The following SHOC2 variants were observed in gnomAD, a reference collection of about 807,000 sequenced individuals.
SHOC2 encodes the protein SHOC2 leucine rich repeat scaffold protein, also known as leucine-rich repeat protein SHOC-2.
Under a neutral mutation model 50.2 loss-of-function variants are expected in SHOC2, and 4 were observed. The observed-to-expected ratio is 0.08, with a 90% CI of 0.04 to 0.18. SHOC2 has a LOEUF of 0.18. Ranked by LOEUF, SHOC2 falls within the 10% of genes least tolerant of loss-of-function variation. The pLI, the probability that SHOC2 is intolerant of heterozygous loss-of-function variation, is 1.00. For missense variants in SHOC2, 388 were observed against 669.6 expected (o/e 0.58, Z 4.64); for synonymous variants, 218 against 244.5 (o/e 0.89, Z 1.01).
Position 110,985,779 on chromosome 10 carries a change from A to G in SHOC2, c.841+14A>G. ...CAGATACTATAGGTATGAGAGGAGA[A>G]AGGAGATATTGATAGCTGTTAATAG... On this transcript the variant is annotated intron_variant, in intron 3 of 8. Transcript: ENST00000369452. The G allele has an allele frequency of 1.9e-6, 3 of 1,610,210 alleles. No homozygotes were observed. The highest frequency in any genetic ancestry group is 2.5e-6 in the Non-Finnish European group (3 of 1,176,850).
chr10:110,962,518 G>A (rs1847591290), intron 1 of SHOC2, among the ~76,000 whole-genome samples: 1 of 151,828 alleles, frequency 6.6e-6, no homozygotes, highest in South Asian at 2.1e-4. Flanking sequence ...CTCCTGGTGT[G>A]CTAGCAAATA....
In SHOC2 at chr10:110,976,674, T is replaced by C. The variant is rs947286982; in HGVS notation, c.704-8954T>C. Among the ~76,000 whole-genome samples, 25 of 152,284 alleles carry C rather than the reference T, an allele frequency of 1.6e-4. No individual in the cohort carries two copies. In the South Asian group the frequency reaches 3.5e-3, roughly 21 times the overall value. On this transcript the variant is annotated intron_variant, in intron 2 of 8. Coordinates refer to ENST00000369452, the MANE Select transcript of SHOC2 (RefSeq NM_007373.4). ...ATGCTAGTTTGAAAGTTTCCTTTTT[T>C]CCCCCCTCAGTATTTTAGAGACACC...
rs574594380 is a variant in SHOC2 at position 110,940,250 on chromosome 10, C to A, written c.-235+20593C>A. On this transcript the variant is annotated intron_variant, in intron 1 of 8. Transcript: ENST00000369452. ...AGAAAGCAATGCTGCCTTTCCTAATCTTGTTTCATCATAGTTTCTTGGGGT... is the reference window on the plus strand; with the variant it reads ...AGAAAGCAATGCTGCCTTTCCTAATATTGTTTCATCATAGTTTCTTGGGGT... Among the ~76,000 whole-genome samples the A allele has an allele frequency of 7.9e-4, 120 of 152,130 alleles. 1 individual carries two copies. The highest frequency in any genetic ancestry group is 1.5e-3 in the Non-Finnish European group (105 of 67,998).
chr10:110,958,676 G>A (rs1847514945), intron 1 of SHOC2, among the ~76,000 whole-genome samples: 1 of 151,756 alleles, frequency 6.6e-6, no homozygotes, highest in Non-Finnish European at 1.5e-5. Context: ...ATTTTCAAGT[G>A]TGGACTAGAC....
chr10:110,983,829 T>C (rs1424975292), intron 2 of SHOC2, among the ~76,000 whole-genome samples: 1 of 152,250 alleles, frequency 6.6e-6, no homozygotes, highest in Admixed American at 6.5e-5. Context: ...GGTTTATCCA[T>C]GTTTAGCACC....
chr10:110,988,191 A>G (rs1848116608), intron 3 of SHOC2, among the ~76,000 whole-genome samples: 1 of 152,156 alleles, frequency 6.6e-6, no homozygotes, highest in East Asian at 1.9e-4. Context: ...GTAATGTTAT[A>G]CAACCTATCT....
At chr10:111,001,622 G>A (rs140699788) in intron 4 of SHOC2, among the ~76,000 whole-genome samples, 69 of 152,324 alleles carry the variant, frequency 4.5e-4, no homozygotes, top group Non-Finnish European at 8.5e-4. Flanking sequence ...CTTATGGATT[G>A]ATTGAGCTTT....
At chr10:110,959,636 C>G (rs938352413) in intron 1 of SHOC2, among the ~76,000 whole-genome samples, 1 of 152,200 alleles carries the variant, frequency 6.6e-6, no homozygotes, top group Non-Finnish European at 1.5e-5. Flanking sequence ...GCTTACTGTT[C>G]CCTACCACAG....
intron 1 of SHOC2, among the ~76,000 whole-genome samples, chr10:110,925,882 T>C (rs533309930): frequency 1.2e-4 from 18 of 152,342 alleles, no homozygotes; most frequent in Middle Eastern, 3.4e-3. Flanking sequence ...TTGCATTTCT[T>C]GATGCTCCTA....
chr10:110,959,499 C>T (rs995810303), intron 1 of SHOC2, among the ~76,000 whole-genome samples: 6 of 152,152 alleles, frequency 3.9e-5, no homozygotes, highest in Non-Finnish European at 5.9e-5. Context: ...AGTGAACCTA[C>T]AAAATTCCAA....
chr10:110,984,539 T>G (rs1248040409), intron 2 of SHOC2, among the ~76,000 whole-genome samples: 2 of 152,178 alleles, frequency 1.3e-5, no homozygotes, highest in African/African-American at 2.4e-5. Context: ...TTTTTTATTA[T>G]GTATAGCTTA....
chr10:110,987,995 G>A (rs549450910), intron 3 of SHOC2, among the ~76,000 whole-genome samples: 3 of 152,180 alleles, frequency 2.0e-5, no homozygotes, highest in East Asian at 1.9e-4. Context: ...AGGACTAGAC[G>A]TTCCAGAAGG....
chr10:110,937,450 A>G (rs991574373), intron 1 of SHOC2, among the ~76,000 whole-genome samples: 8 of 152,336 alleles, frequency 5.3e-5, no homozygotes, highest in Non-Finnish European at 1.0e-4. Context: ...CTCTTCTAGC[A>G]TCCCTCTTTG....
chr10:111,010,529 T>C (rs1848547629), intron 8 of SHOC2, among the ~76,000 whole-genome samples: 1 of 152,000 alleles, frequency 6.6e-6, no homozygotes, highest in African/African-American at 2.4e-5. Context: ...CCGGGGCCTG[T>C]CGTGGGGTAG....
At chr10:110,955,968 T>TA in intron 1 of SHOC2, among the ~76,000 whole-genome samples, 1 of 152,330 alleles carries the variant, frequency 6.6e-6, no homozygotes, top group East Asian at 1.9e-4. Flanking sequence ...AATTGGAAGA[T>TA]ATGACAGAGT....
At chr10:110,962,516 G>A (rs1402932496) in intron 1 of SHOC2, among the ~76,000 whole-genome samples, 6 of 152,008 alleles carry the variant, frequency 3.9e-5, no homozygotes, top group African/African-American at 1.5e-4. Context: ...CTCTCCTGGT[G>A]TGCTAGCAAA....
At chr10:110,969,319 T>C (rs1847733850) in intron 2 of SHOC2, among the ~76,000 whole-genome samples, 1 of 152,202 alleles carries the variant, frequency 6.6e-6, no homozygotes. Context: ...CAAGAACCCA[T>C]GTTTTCAGAG....
At chr10:110,957,424 T>G (rs1420356127) in intron 1 of SHOC2, among the ~76,000 whole-genome samples, 1 of 152,184 alleles carries the variant, frequency 6.6e-6, no homozygotes, top group Non-Finnish European at 1.5e-5. Context: ...ACCGACTCTT[T>G]GACTTAACAT....
At chr10:111,005,737 T>C (rs189403363) in intron 5 of SHOC2, among the ~76,000 whole-genome samples, 9 of 152,308 alleles carry the variant, frequency 5.9e-5, no homozygotes, top group South Asian at 2.1e-4. Flanking sequence ...TGGAAAATTA[T>C]CAAGTTCAGT....
Sources: allele counts gnomAD v4.1 joint callset (sites outside exome capture counted in the v4.1 genomes callset), GRCh38; gene constraint gnomAD v4.1.1; transcripts MANE v1.5; gene names NCBI Gene and HGNC (gene_info 2026-07-23, HGNC 2026-07-21).